Variants in CTNNA3 observed in about 807,000 individuals in gnomAD.
CTNNA3 encodes the protein catenin alpha-3.
In CTNNA3, 76 loss-of-function variants were observed where a neutral mutation model predicts 95.7. The ratio of observed to expected loss-of-function variants is 0.79; its 90% CI spans 0.66 to 0.96. The LOEUF is 0.96. CTNNA3 is among the 40% of genes least tolerant of loss of function. The pLI is 0.00. For missense variants in CTNNA3, 1,191 were observed against 1,089.8 expected (o/e 1.09, Z -1.31); for synonymous variants, 431 against 374.4 (o/e 1.15, Z -1.74).
intron 15 of CTNNA3, among the ~76,000 whole-genome samples, chr10:66,006,726 A>G (rs2133379192): frequency 6.6e-6 from 1 of 152,306 alleles, no homozygotes; most frequent in Admixed American, 6.5e-5. Flanking sequence ...TTATAAGCTC[A>G]GAAAATAATC....
intron 1 of CTNNA3, among the ~76,000 whole-genome samples, chr10:67,741,327 AT>A (rs1482177779): frequency 2.0e-5 from 3 of 148,172 alleles, no homozygotes; most frequent in African/African-American, 7.4e-5. Context: ...AAATAAAAAA[AT>A]AAAAAATAAA....
chr10:65,945,408 A>G (rs1045094270), intron 17 of CTNNA3, among the ~76,000 whole-genome samples: 5 of 152,214 alleles, frequency 3.3e-5, no homozygotes, highest in Non-Finnish European at 5.9e-5. Flanking sequence ...AACTTGATTG[A>G]TACTTCACGA....
At chr10:66,675,145 A>G (rs536450792) in intron 9 of CTNNA3, among the ~76,000 whole-genome samples, 15 of 152,030 alleles carry the variant, frequency 9.9e-5, no homozygotes, top group Non-Finnish European at 2.2e-4. Context: ...AAGACTGTCT[A>G]CTTGCCTCTC....
chr10:67,555,321 T>C (rs976463150), intron 3 of CTNNA3, among the ~76,000 whole-genome samples: 1 of 152,204 alleles, frequency 6.6e-6, no homozygotes, highest in African/African-American at 2.4e-5. Flanking sequence ...GCAGATGGCA[T>C]TGAATCTATA....
chr10:67,193,735 T>G (rs1863223794), intron 6 of CTNNA3, among the ~76,000 whole-genome samples: 1 of 152,130 alleles, frequency 6.6e-6, no homozygotes, highest in Non-Finnish European at 1.5e-5. Context: ...TTATCCAGCC[T>G]ATCATTGGTG....
chr10:66,553,819 G>A (rs549946397), intron 10 of CTNNA3, among the ~76,000 whole-genome samples: 17 of 152,002 alleles, frequency 1.1e-4, no homozygotes, highest in South Asian at 6.2e-4. Context: ...GAGCCACTGC[G>A]CCCGGCCATG....
At chr10:66,453,558 C>T (rs916098569) in intron 11 of CTNNA3, among the ~76,000 whole-genome samples, 5 of 152,164 alleles carry the variant, frequency 3.3e-5, no homozygotes, top group Non-Finnish European at 7.3e-5. Flanking sequence ...GATTGTGAAC[C>T]CCTGGCATCA....
intron 7 of CTNNA3, among the ~76,000 whole-genome samples, chr10:67,025,129 C>G (rs1053709605): frequency 3.9e-5 from 1 of 25,366 alleles, no homozygotes; most frequent in African/African-American, 6.6e-5. Context: ...AAAACTCTGT[C>G]AAAAACAAAA....
intron 13 of CTNNA3, among the ~76,000 whole-genome samples, chr10:66,121,283 T>C (rs528202180): frequency 6.6e-6 from 1 of 152,338 alleles, no homozygotes; most frequent in South Asian, 2.1e-4. Context: ...ATAATGGAAG[T>C]TAACAATCAC....
intron 7 of CTNNA3, among the ~76,000 whole-genome samples, chr10:67,015,768 C>T (rs1227900049): frequency 6.6e-6 from 1 of 151,954 alleles, no homozygotes; most frequent in Non-Finnish European, 1.5e-5. Context: ...TTCTTAGGAT[C>T]ACCAATTACG....
At chr10:66,812,301 CA>C (rs1408784502) in intron 7 of CTNNA3, among the ~76,000 whole-genome samples, 1 of 152,096 alleles carries the variant, frequency 6.6e-6, no homozygotes, top group Non-Finnish European at 1.5e-5. Context: ...TATATATAAA[CA>C]TATCTTAGAA....
chr10:67,610,699 A>T (rs1435651822), intron 2 of CTNNA3, among the ~76,000 whole-genome samples: 1 of 152,220 alleles, frequency 6.6e-6, no homozygotes, highest in Non-Finnish European at 1.5e-5. Context: ...TTATCCTGTA[A>T]AATAAATCCT....
At chr10:67,284,060 G>A (rs1334984445) in intron 5 of CTNNA3, among the ~76,000 whole-genome samples, 1 of 152,160 alleles carries the variant, frequency 6.6e-6, no homozygotes, top group Non-Finnish European at 1.5e-5. Flanking sequence ...TGGGGAAAGT[G>A]GGGAAGCTCT....
chr10:66,613,567 C>T (rs1220668654), intron 10 of CTNNA3, among the ~76,000 whole-genome samples: 2 of 152,082 alleles, frequency 1.3e-5, no homozygotes, highest in Admixed American at 1.3e-4. Flanking sequence ...CACTCTCTCC[C>T]CACATAGATA....
intron 5 of CTNNA3, among the ~76,000 whole-genome samples, chr10:67,519,038 A>G (rs115365242): frequency 4.5e-4 from 69 of 152,256 alleles, no homozygotes; most frequent in African/African-American, 1.5e-3. Flanking sequence ...CTATTTCAAC[A>G]TTAGTCTTTT....
intron 6 of CTNNA3, among the ~76,000 whole-genome samples, chr10:67,200,187 GA>G (rs1486924274): frequency 1.2e-4 from 18 of 152,148 alleles, no homozygotes; most frequent in African/African-American, 4.3e-4. Context: ...CCCTGTATGA[GA>G]AATGATTAAA....
intron 7 of CTNNA3, among the ~76,000 whole-genome samples, chr10:66,959,238 T>C (rs1848991985): frequency 6.6e-6 from 1 of 152,154 alleles, no homozygotes; most frequent in African/African-American, 2.4e-5. Context: ...TCTTCCTCTC[T>C]ATAGAATTTC....
At chr10:67,231,750 T>G (rs967117799) in intron 5 of CTNNA3, among the ~76,000 whole-genome samples, 1 of 152,022 alleles carries the variant, frequency 6.6e-6, no homozygotes. Context: ...GGCAAAGAAG[T>G]TGAAAACTTT....
chr10:65,918,055 G>A lies in CTNNA3; in HGVS notation c.*2275C>T, dbSNP rs2077028075. The A allele has an allele frequency of 6.6e-6, 1 of 152,060 alleles. No individual in the cohort carries two copies. The highest frequency in any genetic ancestry group is 2.1e-4 in the South Asian group (1 of 4,828). 9.4% of individuals were successfully genotyped at this position (152,060 alleles called of 1,614,324 possible). A position where few individuals can be genotyped will look rare whatever the true frequency, so the allele number is the denominator to read the frequency against. On this transcript the variant is annotated 3_prime_UTR_variant, in exon 18 of 18. Transcript: ENST00000433211. ...TTATTGTTTTATTTAATTATAGTTT[G>A]CTTTGAGCTAAGCTGAAAATCTGCC...
Sources: gnomAD v4.1 joint callset for allele counts (sites outside exome capture counted in the v4.1 genomes callset) on GRCh38, gnomAD v4.1.1 for gene constraint, MANE v1.5 for transcripts, NCBI Gene and HGNC (gene_info 2026-07-23, HGNC 2026-07-21) for gene names.